The following PGBD5 variants were observed in gnomAD, a reference collection of about 807,000 sequenced individuals.
The protein encoded by PGBD5 is piggyBac transposable element derived 5.
In PGBD5, 14 loss-of-function variants were observed where a neutral mutation model predicts 47.9. The observed-to-expected ratio is 0.29, with a 90% CI of 0.19 to 0.46. The LOEUF is 0.46. Among genes scored for constraint, PGBD5 ranks in the 20% least tolerant of loss-of-function variants. The pLI, the probability that PGBD5 is intolerant of heterozygous loss-of-function variation, is 1.00. For synonymous variants in PGBD5, 316 were observed against 306.3 expected, an observed-to-expected ratio of 1.03 and a Z score of -0.33; for missense variants, 635 against 716.0, an observed-to-expected ratio of 0.89 and a Z score of 1.29.
rs1667044465 is a variant in PGBD5, at chr1:230,322,272, C to A, written c.*1153G>T. ...TCCTGCCGTCAGCAACCGCCTCCGG[C>A]CCTCATGTCAAATCACACCTGACCA... On this transcript the variant is annotated 3_prime_UTR_variant, in exon 7 of 7. Transcript: ENST00000391860. The surrounding 1 kb of genome is among the most constrained non-coding windows in gnomAD (Gnocchi z 5.9). 6.6e-6 allele frequency: 1 copy of A among 152,252 alleles called. No individual in the cohort carries two copies. The highest frequency in any genetic ancestry group is 1.5e-5 in the Non-Finnish European group (1 of 68,084). The allele number at this position is 152,252 out of a possible 1,614,324, so 9.4% of individuals were successfully genotyped here. A position where few individuals can be genotyped will look rare whatever the true frequency, so the allele number is the denominator to read the frequency against.
chr1:230,335,166 C>T (rs367852966), intron 4 of PGBD5, among the ~76,000 whole-genome samples: 1,263 of 105,552 alleles, frequency 0.012, 12 homozygotes, highest in Non-Finnish European at 0.016. Flanking sequence ...CAGACACACA[C>T]AGACACACAG....
chr1:230,416,032 G>T (rs553008845), intron 1 of PGBD5, among the ~76,000 whole-genome samples: 2 of 152,202 alleles, frequency 1.3e-5, no homozygotes, highest in Non-Finnish European at 2.9e-5. Flanking sequence ...TCTGCATATA[G>T]TAAGTGATAT....
intron 4 of PGBD5, among the ~76,000 whole-genome samples, chr1:230,334,538 G>C (rs1392751347): frequency 6.6e-6 from 1 of 152,218 alleles, no homozygotes; most frequent in African/African-American, 2.4e-5. Flanking sequence ...GTGGCCCTAG[G>C]AGGGACAACC....
At chr1:230,399,390 G>C (rs888849889) in intron 1 of PGBD5, among the ~76,000 whole-genome samples, 2 of 152,180 alleles carry the variant, frequency 1.3e-5, no homozygotes, top group Non-Finnish European at 2.9e-5. Flanking sequence ...CAGAACACGA[G>C]GCCCAGGCCA....
rs1666936087 is a variant in PGBD5, at chr1:230,315,996, A to ATGT, written c.*7428_*7429insACA. ...CATATATGTATGTGTATACATACAT[A>ATGT]AGTATATGTGTACACATATATGTAT... On this transcript the variant is annotated 3_prime_UTR_variant, in exon 7 of 7. Coordinates refer to ENST00000391860, the MANE Select transcript of PGBD5 (RefSeq NM_001258311.2). The ATGT allele has an allele frequency of 5.9e-5, 8 of 134,500 alleles. 1 individual carries two copies. Among genetic ancestry groups the ATGT allele is most frequent in the African/African-American group, 2.0e-4 (7 of 35,570 alleles). 8.3% of individuals were successfully genotyped at this position (134,500 alleles called of 1,614,324 possible). A position where few individuals can be genotyped will look rare whatever the true frequency, so the allele number is the denominator to read the frequency against.
chr1:230,334,417 C>T (rs1484896665), intron 4 of PGBD5, among the ~76,000 whole-genome samples: 2 of 152,222 alleles, frequency 1.3e-5, no homozygotes, highest in African/African-American at 2.4e-5. Flanking sequence ...GCTGCATGTT[C>T]GTAAGAGGGA....
intron 1 of PGBD5, among the ~76,000 whole-genome samples, chr1:230,411,964 A>G (rs1435802974): frequency 6.6e-6 from 1 of 152,238 alleles, no homozygotes; most frequent in Admixed American, 6.5e-5. Context: ...AAGGTATATA[A>G]AACAAACCCG....
chr1:230,375,652 CTTTTT>C (rs199545872), intron 1 of PGBD5, among the ~76,000 whole-genome samples: 7 of 105,662 alleles, frequency 6.6e-5, no homozygotes, highest in Non-Finnish European at 1.3e-4. Context: ...TCCTATTTGA[CTTTTT>C]TTTTTTTTTT....
chr1:230,419,636 G>A (rs180794445), intron 1 of PGBD5, among the ~76,000 whole-genome samples: 83 of 152,252 alleles, frequency 5.5e-4, no homozygotes, highest in Admixed American at 1.6e-3. Context: ...GGTGGGCATC[G>A]CATACCGGTT....
At chr1:230,413,860 C>T (rs574819925) in intron 1 of PGBD5, among the ~76,000 whole-genome samples, 13 of 152,262 alleles carry the variant, frequency 8.5e-5, no homozygotes, top group East Asian at 1.9e-4. Flanking sequence ...CTTATCAATC[C>T]CCAGTTTTTA....
intron 1 of PGBD5, among the ~76,000 whole-genome samples, chr1:230,359,875 C>T (rs1345460041): frequency 2.0e-5 from 3 of 152,206 alleles, no homozygotes; most frequent in Non-Finnish European, 2.9e-5. Context: ...ACATACATCA[C>T]TTTCACCAAC....
At chr1:230,403,057 T>C (rs1571861156) in intron 1 of PGBD5, among the ~76,000 whole-genome samples, 1 of 152,220 alleles carries the variant, frequency 6.6e-6, no homozygotes, top group East Asian at 1.9e-4. Context: ...GTTAGAGTCC[T>C]ATCAGACAAG....
intron 1 of PGBD5, among the ~76,000 whole-genome samples, chr1:230,367,528 C>A (rs565596177): frequency 6.6e-6 from 1 of 152,130 alleles, no homozygotes; most frequent in East Asian, 1.9e-4. Flanking sequence ...ATAGTGATAC[C>A]CCATCTCTAC....
chr1:230,399,058 A>AG (rs34932608), intron 1 of PGBD5, among the ~76,000 whole-genome samples: 54,395 of 151,416 alleles, frequency 0.36, 10,474 homozygotes, highest in Non-Finnish European at 0.43. Context: ...CAGGTTACTA[A>AG]GGGGGGGTGG....
chr1:230,339,830 C>T lies in PGBD5; in HGVS notation c.895-2542G>A, dbSNP rs559025697. 3.3e-5 allele frequency among the ~76,000 whole-genome samples: 5 copies of T among 152,060 alleles called. No individual in the cohort carries two copies. In the East Asian group the frequency reaches 5.8e-4, roughly 18 times the overall value. ...ATAGGAGAGAGTGGAATGGTGGTTA[C>T]GGGGCTGGGGGATGGAAGTGGGAGT... is the stretch of plus-strand genomic sequence containing the variant. On this transcript the variant is annotated intron_variant, in intron 3 of 6. Coordinates refer to ENST00000391860, the MANE Select transcript of PGBD5 (RefSeq NM_001258311.2).
rs377030564 is a variant in PGBD5, at chr1:230,323,644, G to A, written c.1380-24C>T. On this transcript the variant is annotated intron_variant, in intron 6 of 6. Transcript: ENST00000391860. The surrounding 1 kb of genome is among the most constrained non-coding windows in gnomAD (Gnocchi z 4.1). ...ACCTGAGGACAGAGGGAATAAGAAC[G>A]GCTGACCCGATGGTTCATGGCACCC... is the stretch of plus-strand genomic sequence containing the variant. The A allele has an allele frequency of 7.3e-5, 117 of 1,599,790 alleles. No homozygotes were observed. The African/African-American group carries it at 9.1e-4, about 12-fold the overall frequency.
At chr1:230,377,729 T>A in intron 1 of PGBD5, 1 of 1,422,334 alleles carries the variant, frequency 7.0e-7, no homozygotes, top group Non-Finnish European at 9.2e-7. Context: ...CAAAGAGTCA[T>A]TGTGAGAATA....
At chr1:230,417,220 A>G (rs1323761037) in intron 1 of PGBD5, among the ~76,000 whole-genome samples, 1 of 151,902 alleles carries the variant, frequency 6.6e-6, no homozygotes, top group Non-Finnish European at 1.5e-5. Flanking sequence ...ATCATGTTGT[A>G]TTTCCTCTCA....
chr1:230,418,210 A>T (rs1387545152), intron 1 of PGBD5, among the ~76,000 whole-genome samples: 1 of 152,204 alleles, frequency 6.6e-6, no homozygotes, highest in Non-Finnish European at 1.5e-5. Flanking sequence ...CAAGGAAGTG[A>T]TGTATACAAA....
Sources: gnomAD v4.1 joint callset for allele counts (sites outside exome capture counted in the v4.1 genomes callset) on GRCh38, gnomAD v4.1.1 for gene constraint, Gnocchi (gnomAD v3.1) non-coding constraint, MANE v1.5 for transcripts, NCBI Gene and HGNC (gene_info 2026-07-23, HGNC 2026-07-21) for gene names.